The following ARHGAP29 variants were observed in gnomAD, a reference collection of about 807,000 sequenced individuals.
ARHGAP29 encodes the protein Rho GTPase activating protein 29.
Under a neutral mutation model 122.6 loss-of-function variants are expected in ARHGAP29, and 43 were observed. The ratio of observed to expected loss-of-function variants is 0.35; its 90% confidence interval spans 0.27 to 0.45. The LOEUF (loss-of-function observed/expected upper bound fraction) is 0.45, where lower values mean the gene tolerates loss of function less well. Among genes scored for constraint, ARHGAP29 ranks in the 20% least tolerant of loss-of-function variants. ARHGAP29 has a pLI of 1.00. For synonymous variants in ARHGAP29, 506 were observed against 497.1 expected, an observed-to-expected ratio of 1.02 and a Z score of -0.24; for missense variants, 1,303 against 1,477.2, an observed-to-expected ratio of 0.88 and a Z score of 1.93.
At chr1:94,264,286 C>T (rs1654673650) in intron 1 of ARHGAP29, among the ~76,000 whole-genome samples, 5 of 152,130 alleles carry the variant, frequency 3.3e-5, no homozygotes, top group Admixed American at 6.6e-5. Flanking sequence ...AGTCTTTCTG[C>T]ATTAGATTCT....
intron 3 of ARHGAP29, among the ~76,000 whole-genome samples, chr1:94,211,303 A>ACAAAAAC (rs755097831): frequency 2.2e-4 from 33 of 148,012 alleles, no homozygotes; most frequent in African/African-American, 5.3e-4. Context: ...AAAAAAAAAA[A>ACAAAAAC]AAAAAAAAAA....
the ARHGAP29 span, among the ~76,000 whole-genome samples, chr1:94,287,223 C>T: frequency 6.6e-6 from 1 of 152,120 alleles, no homozygotes; most frequent in Non-Finnish European, 1.5e-5. Flanking sequence ...GGCTCTGTGG[C>T]CCCACCCAAA....
chr1:94,266,704 TA>T (rs1354227117), intron 1 of ARHGAP29, among the ~76,000 whole-genome samples: 1 of 152,212 alleles, frequency 6.6e-6, no homozygotes, highest in Admixed American at 6.5e-5. Flanking sequence ...CCATCCTTAT[TA>T]AATTCATGGT....
At chr1:94,225,130 C>A (rs1652542692) in intron 2 of ARHGAP29, among the ~76,000 whole-genome samples, 1 of 152,128 alleles carries the variant, frequency 6.6e-6, no homozygotes, top group South Asian at 2.1e-4. Flanking sequence ...CATAAATTAG[C>A]AAGCCCTCAA....
At chr1:94,236,586 GAA>G (rs1054112248) in intron 1 of ARHGAP29, among the ~76,000 whole-genome samples, 2 of 152,122 alleles carry the variant, frequency 1.3e-5, no homozygotes, top group Non-Finnish European at 2.9e-5. Flanking sequence ...TACCCTCTGA[GAA>G]AGTTTTAAAA....
chr1:94,234,283 G>T (rs552931835), intron 1 of ARHGAP29, among the ~76,000 whole-genome samples: 1 of 152,306 alleles, frequency 6.6e-6, no homozygotes, highest in South Asian at 2.1e-4. Flanking sequence ...ACTATCTGCA[G>T]ATAGGCTTAT....
At chr1:94,286,543 CTG>C in the ARHGAP29 span, among the ~76,000 whole-genome samples, 1 of 152,238 alleles carries the variant, frequency 6.6e-6, no homozygotes, top group East Asian at 1.9e-4. Context: ...TGATGCACAA[CTG>C]TAGTCCCAGC....
intron 3 of ARHGAP29, among the ~76,000 whole-genome samples, chr1:94,210,121 A>C (rs1651490996): frequency 6.6e-6 from 1 of 152,222 alleles, no homozygotes. Context: ...ACCAAGACAA[A>C]GTCTGAAAGT....
At chr1:94,193,974 T>C (rs1255343923) in intron 12 of ARHGAP29, 1 of 152,208 alleles carries the variant, frequency 6.6e-6, no homozygotes, top group Non-Finnish European at 1.5e-5. Flanking sequence ...ATGGATGTAA[T>C]TTACATATAT....
upstream of ARHGAP29, chr1:94,237,640 C>G (rs865839692): frequency 1.2e-4 from 123 of 986,860 alleles, no homozygotes; most frequent in Middle Eastern, 7.3e-3. Context: ...GCCCGCCAGC[C>G]CCGCCCCCTG....
intron 1 of ARHGAP29, among the ~76,000 whole-genome samples, chr1:94,272,759 AG>A (rs556423169): frequency 2.5e-4 from 38 of 152,200 alleles, no homozygotes; most frequent in African/African-American, 9.2e-4. Flanking sequence ...CACAGTCTGA[AG>A]GCTCTTCCCA....
At chr1:94,263,772 T>C (rs899042316) in intron 1 of ARHGAP29, among the ~76,000 whole-genome samples, 4 of 152,348 alleles carry the variant, frequency 2.6e-5, no homozygotes, top group African/African-American at 9.6e-5. Context: ...AATTATTCCA[T>C]GTACACCACT....
chr1:94,255,068 C>T (rs1654281194), intron 1 of ARHGAP29, among the ~76,000 whole-genome samples: 1 of 152,130 alleles, frequency 6.6e-6, no homozygotes, highest in Admixed American at 6.5e-5. Context: ...TTTGCCACCC[C>T]CACGCCACCA....
rs575762376 is a variant in ARHGAP29, at chr1:94,233,663, C to T, written c.-32-2020G>A. 2.0e-5 allele frequency among the ~76,000 whole-genome samples: 3 copies of T among 152,302 alleles called. No homozygotes were observed. The South Asian group carries it at 6.2e-4, about 32-fold the overall frequency. ...GAGACACACCTGCTGGCTCTCAACA[C>T]TCCTGCCACACACACCTCCTTCTCA... On this transcript the variant is annotated intron_variant, in intron 1 of 22. Coordinates refer to ENST00000260526, the MANE Select transcript of ARHGAP29 (RefSeq NM_004815.4).
Position 94,202,461 on chromosome 1 carries a change from T to C in ARHGAP29, c.1143+83A>G, listed in dbSNP as rs769860301. The stretch of plus-strand genomic sequence containing the variant: ...TTTAACATGCCTTTCCAGGCAGTCT[T>C]GGCAGACGCAGAACTTTGACACCAA... On this transcript the variant is annotated intron_variant, in intron 11 of 22. Transcript: ENST00000260526. 23 of 1,528,318 alleles carry C rather than the reference T, an allele frequency of 1.5e-5. No individual in the cohort carries two copies. The Admixed American group carries it at 3.6e-4, about 24-fold the overall frequency. 94.7% of individuals were successfully genotyped at this position (1,528,318 alleles called of 1,614,324 possible). A position where few individuals can be genotyped will look rare whatever the true frequency, so the allele number is the denominator to read the frequency against.
At chr1:94,205,554 G>T in intron 6 of ARHGAP29, 81 bp downstream of exon 6, 3 of 1,308,908 alleles carry the variant, frequency 2.3e-6, no homozygotes, top group Non-Finnish European at 3.2e-6. Context: ...AGGTTACTAA[G>T]CAAGAAGAGA....
intron 1 of ARHGAP29, among the ~76,000 whole-genome samples, chr1:94,260,791 C>T (rs1654530846): frequency 6.6e-6 from 1 of 152,174 alleles, no homozygotes; most frequent in Non-Finnish European, 1.5e-5. Flanking sequence ...ACAAGAACAG[C>T]TGCATCATCA....
chr1:94,178,311 AT>A (rs1649238588), intron 20 of ARHGAP29, 144 bp from the exon 21 acceptor site: 1 of 731,906 alleles, frequency 1.4e-6, no homozygotes, highest in Non-Finnish European at 2.2e-6. Flanking sequence ...GGTTATATTT[AT>A]TTGATTAAAA....
intron 14 of ARHGAP29, 44 bp downstream of exon 14, chr1:94,189,172 C>G (rs745975218): frequency 1.2e-5 from 18 of 1,562,532 alleles, no homozygotes; most frequent in Non-Finnish European, 1.6e-5. Flanking sequence ...TTCGAACAAC[C>G]TGACCTTTTA....
Sources: allele counts gnomAD v4.1 joint callset (sites outside exome capture counted in the v4.1 genomes callset), GRCh38; gene constraint gnomAD v4.1.1; transcripts MANE v1.5; gene names NCBI Gene and HGNC (gene_info 2026-07-23, HGNC 2026-07-21).